Variants in BNC1 observed in about 807,000 individuals in gnomAD.
The protein encoded by BNC1 is basonuclin zinc finger protein 1.
In BNC1, 8 loss-of-function variants were observed where a neutral mutation model predicts 66.5. The observed-to-expected ratio is 0.12, with a 90% CI of 0.07 to 0.22. The LOEUF (loss-of-function observed/expected upper bound fraction) is 0.22. BNC1 is among the 10% of genes least tolerant of loss of function. BNC1 has a pLI of 1.00. For missense variants in BNC1, 1,069 were observed against 1,241.3 expected, an observed-to-expected ratio of 0.86 and a Z score of 2.09; for synonymous variants, 454 against 452.6, an observed-to-expected ratio of 1.00 and a Z score of -0.04.
chr15:83,283,007 A>G, intron 1 of BNC1: 1 of 1,137,392 alleles, frequency 8.8e-7, no homozygotes, highest in Non-Finnish European at 1.2e-6. Context: ...CCTTCAGAGG[A>G]CTGAGGCGAG....
chr15:83,270,895 C>A (rs1301064457), intron 1 of BNC1, among the ~76,000 whole-genome samples: 3 of 152,178 alleles, frequency 2.0e-5, no homozygotes, highest in African/African-American at 7.2e-5. Context: ...GATAGCTGCA[C>A]AACTCTATGA....
At position 83,257,402 on chromosome 15, in the gene BNC1, T is replaced by C. The variant is rs1567189399; in HGVS notation, c.*40A>G. 4 of 1,544,316 alleles carry C rather than the reference T, an allele frequency of 2.6e-6. No homozygotes were observed. The Admixed American group carries it at 5.7e-5, about 22-fold the overall frequency. On this transcript the variant is annotated 3_prime_UTR_variant, in exon 5 of 5. Coordinates refer to ENST00000345382, the MANE Select transcript of BNC1 (RefSeq NM_001717.4). ...TATGGACTACTTTATTCCTGAATTA[T>C]GAAAAAAGCTTATCTGAGCATACTT...
At chr15:83,284,478 G>A in intron 1 of BNC1, 52 bp downstream of exon 1, 5 of 1,117,302 alleles carry the variant, frequency 4.5e-6, no homozygotes, top group East Asian at 5.4e-5. Flanking sequence ...GTCCCGGGCC[G>A]CCTGCTCCGC....
chr15:83,278,874 A>G (rs2038352067), intron 1 of BNC1, among the ~76,000 whole-genome samples: 1 of 152,218 alleles, frequency 6.6e-6, no homozygotes, highest in South Asian at 2.1e-4. Flanking sequence ...ACAAGGAAAT[A>G]ATCATTGAAA....
rs2038173454 is a variant in BNC1 at position 83,263,519 on chromosome 15, CCTG to C, written c.1729_1731del (p.Gln577del). On this transcript the variant is annotated inframe_deletion, in exon 4 of 5. Coordinates refer to ENST00000345382, the MANE Select transcript of BNC1 (RefSeq NM_001717.4). ...CTGTGTGACTGAGGACTGCAGGCCT[CCTG>C]CTCATCTTCACTGACCACCTGTAGG... The C allele has an allele frequency of 6.2e-7, 1 of 1,614,148 alleles. No homozygotes were observed. The highest frequency in any genetic ancestry group is 1.3e-5 in the African/African-American group (1 of 74,952).
rs762014819 is a variant in BNC1, at chr15:83,262,999, G to A, written c.2252C>T (p.Thr751Ile). 1 of 1,614,128 alleles carries A rather than the reference G, an allele frequency of 6.2e-7. No individual in the cohort carries two copies. The highest frequency in any genetic ancestry group is 1.7e-5 in the Admixed American group (1 of 60,022). Residue 751 changes from threonine to isoleucine, a missense_variant, in exon 4 of 5, where the codon ACA (threonine) becomes ATA (isoleucine). This residue lies in a region of BNC1 where 657 missense variants were observed against 715.8 expected (regional missense o/e 0.92). Coordinates refer to ENST00000345382, the MANE Select transcript of BNC1 (RefSeq NM_001717.4). ...NMHVKEMHTC[T>I]VEGCNATFPS... ...AAAGGTAGCATTACAGCCCTCCACT[G>A]TGCATGTGTGCATTTCTTTGACATG... is the stretch of plus-strand genomic sequence containing the variant.
chr15:83,271,610 G>C (rs767517804), intron 1 of BNC1, among the ~76,000 whole-genome samples: 2 of 152,132 alleles, frequency 1.3e-5, no homozygotes, highest in Non-Finnish European at 2.9e-5. Context: ...CTTGGGGGGT[G>C]AAAGAATTAC....
chr15:83,262,943 T>C lies in BNC1; in HGVS notation c.2300+8A>G. 6.3e-6 allele frequency: 10 copies of C among 1,594,754 alleles called. No individual in the cohort carries two copies. The highest frequency in any genetic ancestry group is 8.5e-6 in the Non-Finnish European group (10 of 1,170,268). On this transcript the variant is annotated splice_region_variant and intron_variant, in intron 4 of 4. Coordinates refer to ENST00000345382, the MANE Select transcript of BNC1 (RefSeq NM_001717.4). ...CTTAGAAAAAATGATTGCCTACAGA[T>C]GCCTTACCTGTCTCTGCTCCTGCGG... is the stretch of plus-strand genomic sequence containing the variant.
At chr15:83,274,421 C>T (rs1284352592) in intron 1 of BNC1, among the ~76,000 whole-genome samples, 1 of 152,082 alleles carries the variant, frequency 6.6e-6, no homozygotes, top group African/African-American at 2.4e-5. Flanking sequence ...AATTCAGCCC[C>T]TTGGTCACAC....
rs1718745053 is a variant in BNC1 at position 83,263,592 on chromosome 15, T to G, written c.1659A>C (p.Ile553=). 6.2e-7 allele frequency: 1 copy of G among 1,614,152 alleles called. No individual in the cohort carries two copies. The highest frequency in any genetic ancestry group is 1.3e-5 in the African/African-American group (1 of 74,950). ...PIKIEKEAVE[I]ANEKRHNLSS... Reference sequence around the variant, plus strand: ...TGAGGTTGTGTCTTTTCTCATTAGCTATTTCCACAGCTTCTTTCTCTATTT... The same window carrying G: ...TGAGGTTGTGTCTTTTCTCATTAGCGATTTCCACAGCTTCTTTCTCTATTT... The change falls in exon 4 of 5, where the codon ATA becomes ATC. Residue 553 remains isoleucine (I), a synonymous_variant. Coordinates refer to ENST00000345382, the MANE Select transcript of BNC1 (RefSeq NM_001717.4).
intron 4 of BNC1, among the ~76,000 whole-genome samples, chr15:83,262,681 C>A (rs921512189): frequency 2.6e-5 from 4 of 152,154 alleles, no homozygotes; most frequent in African/African-American, 9.7e-5. Flanking sequence ...ACATCAGCAT[C>A]ATCTGGGAAC....
Position 83,263,835 on chromosome 15 carries a change from A to T in BNC1, c.1416T>A (p.Ile472=). ...DSKGQPAFPN[I]GQNGVLFPNL... The stretch of plus-strand genomic sequence containing the variant: ...TGGGAAAAAGCACACCATTTTGCCC[A>T]ATGTTTGGGAAGGCTGGTTGGCCTT... The change falls in exon 4 of 5, where the codon ATT becomes ATA. Residue 472 remains isoleucine, a synonymous_variant. Transcript: ENST00000345382. 6.2e-7 allele frequency: 1 copy of T among 1,614,116 alleles called. No individual in the cohort carries two copies. The highest frequency in any genetic ancestry group is 8.5e-7 in the Non-Finnish European group (1 of 1,180,024).
chr15:83,279,715 G>C (rs1192271659), intron 1 of BNC1, among the ~76,000 whole-genome samples: 1 of 152,174 alleles, frequency 6.6e-6, no homozygotes, highest in African/African-American at 2.4e-5. Flanking sequence ...CAATGGGGAG[G>C]CACTGTTTAC....
At position 83,264,480 on chromosome 15, in the gene BNC1, T is replaced by C; in HGVS notation, c.771A>G (p.Ile257Met). The C allele has an allele frequency of 3.7e-6, 6 of 1,614,164 alleles. No individual in the cohort carries two copies. Among genetic ancestry groups the C allele is most frequent in the Non-Finnish European group, 4.2e-6 (5 of 1,180,032 alleles). ...QFFNPLPPALIGSLPEQYMLE... is the reference protein window; with the variant it reads ...QFFNPLPPALMGSLPEQYMLE... ...ACATATATTGTTCGGGCAATGACCC[T>C]ATCAGTGCAGGAGGCAGAGGGTTGA... The change falls in exon 4 of 5, where the codon ATA (isoleucine) becomes ATG (methionine). Residue 257 changes from isoleucine (I) to methionine (M), a missense_variant. Coordinates refer to ENST00000345382, the MANE Select transcript of BNC1 (RefSeq NM_001717.4).
chr15:83,275,414 T>G (rs2038310029), intron 1 of BNC1, among the ~76,000 whole-genome samples: 1 of 149,214 alleles, frequency 6.7e-6, no homozygotes, highest in Admixed American at 6.8e-5. Flanking sequence ...GAGAACTGCT[T>G]GAACCCGGGA....
rs527285023 is a variant in BNC1, at chr15:83,262,809, C to T, written c.2300+142G>A. ...CTTGTTAAAAATGCCAACTCTCAGGCCTCACCCTAGATCTAATGAAGTGGA... is the reference window on the plus strand; with the variant it reads ...CTTGTTAAAAATGCCAACTCTCAGGTCTCACCCTAGATCTAATGAAGTGGA... On this transcript the variant is annotated intron_variant, in intron 4 of 4. Transcript: ENST00000345382. 2.0e-5 allele frequency: 17 copies of T among 850,740 alleles called. 1 individual carries two copies. The South Asian group carries it at 2.6e-4, about 13-fold the overall frequency. The allele number at this position is 850,740 out of a possible 1,614,324, so 52.7% of individuals were successfully genotyped here. A position where few individuals can be genotyped will look rare whatever the true frequency, so the allele number is the denominator to read the frequency against.
chr15:83,275,697 CA>C (rs1341465694), intron 1 of BNC1, among the ~76,000 whole-genome samples: 1 of 151,996 alleles, frequency 6.6e-6, no homozygotes, highest in African/African-American at 2.4e-5. Flanking sequence ...AGGGAGAAGG[CA>C]TAGCAAGTGC....
chr15:83,259,312 TCCC>T (rs988298736), intron 4 of BNC1, among the ~76,000 whole-genome samples: 1 of 152,064 alleles, frequency 6.6e-6, no homozygotes, highest in Non-Finnish European at 1.5e-5. Flanking sequence ...GAGAAAACAC[TCCC>T]CCAATACATA....
At position 83,275,491 on chromosome 15, in the gene BNC1, C is replaced by CAA. The variant is rs35785505; in HGVS notation, c.100-7261_100-7260dup. ...AGCCTGGGCGACAGAGACTCCATCT[C>CAA]AAAAAAAAAAAAAAAAAACTAAGAA... On this transcript the variant is annotated intron_variant, in intron 1 of 4. Transcript: ENST00000345382. Among the ~76,000 whole-genome samples the CAA allele has an allele frequency of 8.3e-3, 686 of 82,962 alleles. 23 individuals carry two copies. The highest frequency in any genetic ancestry group is 0.025 in the African/African-American group (605 of 24,162). 54.4% of individuals were successfully genotyped at this position (82,962 alleles called of 152,430 possible).
Sources: gnomAD v4.1 joint callset for allele counts (sites outside exome capture counted in the v4.1 genomes callset) on GRCh38, gnomAD v4.1.1 for gene constraint, gnomAD v4.1.1 regional missense constraint, MANE v1.5 for transcripts, NCBI Gene and HGNC (gene_info 2026-07-23, HGNC 2026-07-21) for gene names.